Variants in POGZ observed in about 807,000 individuals in gnomAD.
The protein encoded by POGZ is pogo transposable element derived with ZNF domain, also known as pogo transposable element with ZNF domain.
In POGZ, 17 loss-of-function variants were observed where a neutral mutation model predicts 134.6. That is an observed-to-expected ratio of 0.13 (90% CI 0.09 to 0.19). The LOEUF is 0.19. Among genes scored for constraint, POGZ ranks in the 10% least tolerant of loss-of-function variants. The pLI is 1.00. For missense variants in POGZ, 1,306 were observed against 1,769.7 expected (o/e 0.74, Z 4.70); for synonymous variants, 693 against 657.1 (o/e 1.05, Z -0.84).
intron 1 of POGZ, among the ~76,000 whole-genome samples, chr1:151,458,719 C>G (rs999824569): frequency 6.9e-6 from 1 of 145,538 alleles, no homozygotes; most frequent in South Asian, 2.1e-4. Context: ...AGCGGGCCAC[C>G]GCCCGCGCCC....
intron 1 of POGZ, among the ~76,000 whole-genome samples, chr1:151,458,742 C>A (rs1014538696): frequency 6.9e-6 from 1 of 145,878 alleles, no homozygotes; most frequent in African/African-American, 2.5e-5. Context: ...GCCGCCCACT[C>A]CTCCGAGACG....
intron 5 of POGZ, among the ~76,000 whole-genome samples, 171 bp from the exon 6 acceptor site, chr1:151,428,584 A>G (rs1658156631): frequency 6.6e-6 from 1 of 152,196 alleles, no homozygotes; most frequent in South Asian, 2.1e-4. Flanking sequence ...CCATGTTGAC[A>G]AAATAACCTG....
At chr1:151,450,591 G>T (rs1356681121) in intron 1 of POGZ, among the ~76,000 whole-genome samples, 1 of 152,072 alleles carries the variant, frequency 6.6e-6, no homozygotes, top group Non-Finnish European at 1.5e-5. Context: ...GGACTCAAGT[G>T]ATCTGCTTGC....
intron 1 of POGZ, among the ~76,000 whole-genome samples, chr1:151,446,059 T>C (rs1661211351): frequency 6.6e-6 from 1 of 150,492 alleles, no homozygotes; most frequent in Admixed American, 6.6e-5. Context: ...TTTTTTTTTT[T>C]TTTTTTTAGC....
At chr1:151,439,995 A>G (rs1355684131) in intron 3 of POGZ, among the ~76,000 whole-genome samples, 3 of 152,208 alleles carry the variant, frequency 2.0e-5, no homozygotes, top group Non-Finnish European at 2.9e-5. Flanking sequence ...TATTAAAATA[A>G]GATATTCACT....
chr1:151,429,432 C>T (rs944571842), intron 5 of POGZ, 171 bp downstream of exon 5: 1 of 396,606 alleles, frequency 2.5e-6, no homozygotes, highest in African/African-American at 2.1e-5. Flanking sequence ...AACCACCACC[C>T]TGGCCAAAGG....
intron 10 of POGZ, among the ~76,000 whole-genome samples, chr1:151,415,733 A>C (rs1056165931): frequency 1.3e-5 from 2 of 152,076 alleles, no homozygotes; most frequent in African/African-American, 4.8e-5. Context: ...ACTATGGAAA[A>C]CAGGAATAAT....
intron 10 of POGZ, among the ~76,000 whole-genome samples, chr1:151,413,053 C>A (rs954080538): frequency 6.6e-6 from 1 of 151,226 alleles, no homozygotes; most frequent in Non-Finnish European, 1.5e-5. Flanking sequence ...ATCTACCTGT[C>A]CCAGCCTCCC....
At chr1:151,456,892 T>C (rs1199001209) in intron 1 of POGZ, among the ~76,000 whole-genome samples, 1 of 152,064 alleles carries the variant, frequency 6.6e-6, no homozygotes. Context: ...AAAATAAAAA[T>C]AGAATAATAA....
intron 3 of POGZ, chr1:151,439,074 C>T (rs1660099873): frequency 6.6e-6 from 1 of 151,908 alleles, no homozygotes. Flanking sequence ...AACTCCCCCA[C>T]TGCTAAATTT....
At chr1:151,435,320 A>C (rs992178337) in intron 3 of POGZ, among the ~76,000 whole-genome samples, 7 of 152,258 alleles carry the variant, frequency 4.6e-5, no homozygotes, top group African/African-American at 1.7e-4. Context: ...CATTAAATTC[A>C]CATCATTCAC....
chr1:151,457,169 A>G lies in POGZ; in HGVS notation c.-2+1983T>C, dbSNP rs374907651. The stretch of plus-strand genomic sequence containing the variant: ...CCACTAGTTCAAGATGGGAGTGGAA[A>G]CTCTAACTAAATCAGGTTCGTCCCA... On this transcript the variant is annotated intron_variant, in intron 1 of 18. Transcript: ENST00000271715. 7.2e-5 allele frequency among the ~76,000 whole-genome samples: 11 copies of G among 152,200 alleles called. No individual in the cohort carries two copies. In the South Asian group the frequency reaches 1.7e-3, roughly 23 times the overall value.
intron 15 of POGZ, 68 bp downstream of exon 15, chr1:151,408,031 AG>A (rs148187584): frequency 0.03 from 378 of 12,646 alleles, 1 homozygote; most frequent in African/African-American, 0.067. Flanking sequence ...AAAAAAAAAA[AG>A]AAGAAGAAGA....
Position 151,403,133 on chromosome 1 carries a change from C to T in POGZ, c.*1669G>A. On this transcript the variant is annotated 3_prime_UTR_variant, in exon 19 of 19. Coordinates refer to ENST00000271715, the MANE Select transcript of POGZ (RefSeq NM_015100.4). ...TGGTTGTTTTCAGATGTCAAAGGTT[C>T]ACAAAGCTGGCCAAGCTGTTTCTGG... 1.2e-6 allele frequency: 1 copy of T among 806,250 alleles called. No homozygotes were observed. The highest frequency in any genetic ancestry group is 1.5e-6 in the Non-Finnish European group (1 of 666,280). The allele number at this position is 806,250 out of a possible 1,614,324, so 49.9% of individuals were successfully genotyped here. A position where few individuals can be genotyped will look rare whatever the true frequency, so the allele number is the denominator to read the frequency against.
At chr1:151,422,662 G>T (rs1334102909) in intron 10 of POGZ, among the ~76,000 whole-genome samples, 1 of 151,948 alleles carries the variant, frequency 6.6e-6, no homozygotes, top group South Asian at 2.1e-4. Context: ...CATGATCTCA[G>T]CTCACTGCAA....
chr1:151,427,679 C>T (rs988342190), intron 7 of POGZ, 144 bp downstream of exon 7: 1 of 626,362 alleles, frequency 1.6e-6, no homozygotes, highest in Non-Finnish European at 2.8e-6. Flanking sequence ...TGGCTTTCTC[C>T]TTACTAAAGT....
intron 1 of POGZ, among the ~76,000 whole-genome samples, chr1:151,451,823 G>A (rs1425060385): frequency 1.3e-5 from 2 of 151,492 alleles, no homozygotes; most frequent in African/African-American, 2.4e-5. Context: ...TCGGCTGGAC[G>A]CGGTGGCTCA....
chr1:151,424,682 G>C (rs1657480488), intron 8 of POGZ, among the ~76,000 whole-genome samples: 1 of 152,178 alleles, frequency 6.6e-6, no homozygotes, highest in South Asian at 2.1e-4. Context: ...AATATGGTTT[G>C]AGTCCTTATT....
chr1:151,431,327 C>T (rs1056278663), intron 3 of POGZ, among the ~76,000 whole-genome samples: 1 of 152,110 alleles, frequency 6.6e-6, no homozygotes, highest in Non-Finnish European at 1.5e-5. Flanking sequence ...CATAATCTCC[C>T]CCACCAAATC....
Sources: allele counts gnomAD v4.1 joint callset (sites outside exome capture counted in the v4.1 genomes callset), GRCh38; gene constraint gnomAD v4.1.1; transcripts MANE v1.5; gene names NCBI Gene and HGNC (gene_info 2026-07-23, HGNC 2026-07-21).